Variants in RTL4 observed in about 807,000 individuals in gnomAD.
The protein encoded by RTL4 is retrotransposon Gag-like protein 4.
RTL4 carries 4 observed loss-of-function variants against 5.3 expected under a neutral mutation model. The observed-to-expected ratio is 0.75, with a 90% CI of 0.37 to 1.72. The LOEUF (loss-of-function observed/expected upper bound fraction) is 1.72, where lower values mean the gene tolerates loss of function less well. RTL4 is among the 40% of genes most tolerant of loss of function. The pLI, the probability that RTL4 is intolerant of heterozygous loss-of-function variation, is 0.04. For missense variants in RTL4, 260 were observed against 227.1 expected (o/e 1.14, Z -0.93); for synonymous variants, 98 against 87.3 (o/e 1.12, Z -0.68).
At chrX:112,341,709 T>G in the RTL4 span, among the ~76,000 whole-genome samples, 2 of 111,736 alleles carry the variant, frequency 1.8e-5, no homozygotes, top group Non-Finnish European at 3.8e-5. Flanking sequence ...ATTATCACGT[T>G]TATATACCAA....
At chrX:112,260,813 T>G in the RTL4 span, among the ~76,000 whole-genome samples, 1 of 111,734 alleles carries the variant, frequency 8.9e-6, no homozygotes, top group Non-Finnish European at 1.9e-5. Context: ...TTCTCAGACA[T>G]TTCTCTTTTT....
the RTL4 span, among the ~76,000 whole-genome samples, chrX:112,225,046 T>C: frequency 1.2e-4 from 14 of 112,212 alleles, no homozygotes; most frequent in Non-Finnish European, 2.4e-4. Flanking sequence ...ATTAACTTTA[T>C]TTTACAGGCA....
At chrX:112,176,749 T>C in the RTL4 span, among the ~76,000 whole-genome samples, 1 of 111,453 alleles carries the variant, frequency 9.0e-6, no homozygotes, top group Non-Finnish European at 1.9e-5. Context: ...TTTCCTATTG[T>C]ACTATTGAAT....
chrX:112,294,650 TC>T, the RTL4 span, among the ~76,000 whole-genome samples: 1 of 111,748 alleles, frequency 8.9e-6, no homozygotes, highest in African/African-American at 3.3e-5. Context: ...CAACCATTAA[TC>T]CCTCAAAACT....
At chrX:112,178,523 T>C in the RTL4 span, among the ~76,000 whole-genome samples, 1 of 112,082 alleles carries the variant, frequency 8.9e-6, no homozygotes, top group South Asian at 3.7e-4. Context: ...GTGAAGGGTG[T>C]TTGTGAAGAG....
chrX:112,417,235 C>T, the RTL4 span, among the ~76,000 whole-genome samples: 1 of 111,364 alleles, frequency 9.0e-6, no homozygotes, highest in Non-Finnish European at 1.9e-5. Flanking sequence ...TGAAGATGGA[C>T]CAGTATGAAG....
chrX:112,456,876 G>T (rs13440674), exon 1 of RTL4: 36,103 of 122,232 alleles, frequency 0.3, 4,402 homozygotes, highest in African/African-American at 0.49. Flanking sequence ...GGATTTTATT[G>T]CTTATGTTTT....
At chrX:112,175,007 A>C in the RTL4 span, among the ~76,000 whole-genome samples, 1 of 81,600 alleles carries the variant, frequency 1.2e-5, no homozygotes, top group African/African-American at 4.3e-5. Flanking sequence ...AGGTTGCAAA[A>C]ATTTTCTCCC....
At chrX:112,290,642 C>T in the RTL4 span, among the ~76,000 whole-genome samples, 1 of 112,528 alleles carries the variant, frequency 8.9e-6, no homozygotes, top group African/African-American at 3.2e-5. Context: ...CTATAACATA[C>T]TAACTAGCTC....
At chrX:112,314,605 G>A in the RTL4 span, among the ~76,000 whole-genome samples, 1,226 of 107,955 alleles carry the variant, frequency 0.011, 12 homozygotes, top group African/African-American at 0.039. Flanking sequence ...AACTAGACAG[G>A]TTGTAAATAT....
the RTL4 span, among the ~76,000 whole-genome samples, chrX:112,404,246 G>T: frequency 3.6e-5 from 4 of 111,858 alleles, no homozygotes; most frequent in Non-Finnish European, 7.5e-5. Flanking sequence ...TTACATTGTC[G>T]TATTCATATG....
the RTL4 span, among the ~76,000 whole-genome samples, chrX:112,405,705 C>A: frequency 1.0e-5 from 1 of 99,510 alleles, no homozygotes; most frequent in Non-Finnish European, 2.0e-5. Context: ...TTGTCCTCCC[C>A]CTGCAAGGAC....
chrX:112,313,569 AG>A, the RTL4 span, among the ~76,000 whole-genome samples: 1 of 110,495 alleles, frequency 9.1e-6, no homozygotes, highest in Non-Finnish European at 1.9e-5. Context: ...TTAAAATGAC[AG>A]GTGGAATAAA....
the RTL4 span, among the ~76,000 whole-genome samples, chrX:112,107,598 G>T: frequency 8.9e-6 from 1 of 111,780 alleles, no homozygotes; most frequent in South Asian, 3.7e-4. Flanking sequence ...TTTGGTTGAA[G>T]GTTTTCTTCT....
At chrX:112,263,380 A>G in the RTL4 span, among the ~76,000 whole-genome samples, 1 of 110,546 alleles carries the variant, frequency 9.0e-6, no homozygotes, top group African/African-American at 3.3e-5. Context: ...GAAAATGAGC[A>G]AAGATAAAGG....
the RTL4 span, among the ~76,000 whole-genome samples, chrX:112,204,732 T>G: frequency 1.8e-5 from 2 of 111,322 alleles, no homozygotes; most frequent in Non-Finnish European, 3.8e-5. Context: ...GAAGAATGAA[T>G]AAGACCTACT....
the RTL4 span, among the ~76,000 whole-genome samples, chrX:112,413,797 G>C: frequency 9.1e-6 from 1 of 110,401 alleles, no homozygotes; most frequent in Non-Finnish European, 1.9e-5. Flanking sequence ...AACAGGGTGA[G>C]TATAATCAAA....
the RTL4 span, among the ~76,000 whole-genome samples, chrX:112,162,283 G>C: frequency 9.0e-6 from 1 of 111,380 alleles, no homozygotes; most frequent in Non-Finnish European, 1.9e-5. Flanking sequence ...CAACACAAAT[G>C]GCTCTGTAAG....
At chrX:112,241,074 G>A in the RTL4 span, among the ~76,000 whole-genome samples, 1 of 111,381 alleles carries the variant, frequency 9.0e-6, no homozygotes, top group Non-Finnish European at 1.9e-5. Context: ...ATCATTGATG[G>A]ACATTTGGGT....
Sources: allele counts gnomAD v4.1 joint callset (sites outside exome capture counted in the v4.1 genomes callset), GRCh38; gene constraint gnomAD v4.1.1; transcripts MANE v1.5; gene names NCBI Gene and HGNC (gene_info 2026-07-23, HGNC 2026-07-21).